STK31: variants seen among roughly 807,000 people sequenced by gnomAD.
STK31 encodes the protein serine/threonine-protein kinase 31.
STK31 carries 89 observed loss-of-function variants against 129.7 expected under a neutral mutation model. The ratio of observed to expected loss-of-function variants is 0.69; its 90% CI spans 0.58 to 0.82. The LOEUF is 0.82. Among genes scored for constraint, STK31 ranks in the 40% least tolerant of loss-of-function variants. The pLI is 0.00. For missense variants in STK31, 1,187 were observed against 1,176.4 expected (o/e 1.01, Z -0.13); for synonymous variants, 448 against 395.3 (o/e 1.13, Z -1.58).
At chr7:23,814,946 C>G (rs1175257224) in intron 22 of STK31, among the ~76,000 whole-genome samples, 198 bp from the exon 23 acceptor site, 1 of 152,052 alleles carries the variant, frequency 6.6e-6, no homozygotes, top group African/African-American at 2.4e-5. Flanking sequence ...CCCCTCTGAT[C>G]GGTACTTTAG....
chr7:23,797,979 C>A (rs1052277859), intron 22 of STK31, among the ~76,000 whole-genome samples: 2 of 152,176 alleles, frequency 1.3e-5, no homozygotes, highest in Non-Finnish European at 2.9e-5. Flanking sequence ...CACCTCTATG[C>A]AAATCAACTA....
At chr7:23,808,150 A>T (rs559993736) in intron 22 of STK31, among the ~76,000 whole-genome samples, 298 of 130,836 alleles carry the variant, frequency 2.3e-3, no homozygotes, top group African/African-American at 6.9e-3. Context: ...AATCCTTTTT[A>T]ATATATATAT....
intron 10 of STK31, 113 bp from the exon 11 acceptor site, chr7:23,762,688 T>C: frequency 7.9e-7 from 1 of 1,261,004 alleles, no homozygotes; most frequent in Non-Finnish European, 1.1e-6. Flanking sequence ...TCCTAAGTGC[T>C]ATAATGTTTG....
chr7:23,810,771 A>G (rs1444024108), intron 22 of STK31, among the ~76,000 whole-genome samples: 1 of 107,084 alleles, frequency 9.3e-6, no homozygotes, highest in Non-Finnish European at 1.8e-5. Context: ...TAATATATAA[A>G]TATATATTAT....
At chr7:23,711,534 A>G (rs990561904) in intron 1 of STK31, among the ~76,000 whole-genome samples, 14 of 152,116 alleles carry the variant, frequency 9.2e-5, no homozygotes, top group African/African-American at 3.4e-4. Context: ...TACATAGTGT[A>G]CATTTATTTT....
intron 17 of STK31, among the ~76,000 whole-genome samples, chr7:23,784,361 T>C (rs568333012): frequency 9.8e-4 from 150 of 152,298 alleles, no homozygotes; most frequent in African/African-American, 3.2e-3. Flanking sequence ...AAAAAATATT[T>C]AAGATTAAAG....
Position 23,772,181 on chromosome 7 carries a change from G to A in STK31, c.1868G>A (p.Ser623Asn). The part of the protein sequence containing the change: ...KKQLIEYLNK[S>N]PSVDHLLSIK... The stretch of plus-strand genomic sequence containing the variant: ...CAGCTTATTGAATATTTAAATAAGA[G>A]TCCCAGTGTGGATCACTTGCTATCC... The change falls in exon 15 of 24, where the codon AGT (serine) becomes AAT (asparagine). Residue 623 changes from serine (S) to asparagine (N), a missense_variant. Physicochemically the swap from Ser to Asn is conservative, Grantham distance 46. This residue lies in a region of STK31 where 975 missense variants were observed against 934.9 expected (regional missense o/e 1.04). Coordinates refer to ENST00000355870, the MANE Select transcript of STK31 (RefSeq NM_031414.5). 1 of 1,595,756 alleles carries A rather than the reference G, an allele frequency of 6.3e-7. No homozygotes were observed. Among genetic ancestry groups the A allele is most frequent in the Non-Finnish European group, 8.6e-7 (1 of 1,169,378 alleles).
At chr7:23,824,521 A>C (rs1037466081) in intron 23 of STK31, among the ~76,000 whole-genome samples, 2 of 152,268 alleles carry the variant, frequency 1.3e-5, no homozygotes, top group African/African-American at 4.8e-5. Context: ...GGTTTTCTAG[A>C]TATACAATCA....
chr7:23,748,706 A>G (rs1788502570), intron 8 of STK31, among the ~76,000 whole-genome samples: 1 of 152,192 alleles, frequency 6.6e-6, no homozygotes, highest in Admixed American at 6.5e-5. Context: ...GCTTTTCCTA[A>G]TAACATTTTC....
intron 6 of STK31, among the ~76,000 whole-genome samples, chr7:23,731,828 G>T (rs1182822611): frequency 3.3e-5 from 5 of 152,206 alleles, no homozygotes; most frequent in Non-Finnish European, 7.3e-5. Context: ...AGGCCTTTTA[G>T]CTTGTTTTCT....
chr7:23,791,073 A>G (rs1791586287), intron 22 of STK31, 127 bp downstream of exon 22: 1 of 1,006,354 alleles, frequency 9.9e-7, no homozygotes. Flanking sequence ...AAGTTTTAAC[A>G]AAAACTATTG....
chr7:23,799,275 A>G (rs1226632545), intron 22 of STK31, among the ~76,000 whole-genome samples: 1 of 152,138 alleles, frequency 6.6e-6, no homozygotes, highest in Non-Finnish European at 1.5e-5. Context: ...AAAAGCCCGT[A>G]TAGCCAAGAC....
At position 23,727,241 on chromosome 7, in the gene STK31, AT is replaced by A; in HGVS notation, c.253del (p.Tyr85MetfsTer17). 1 of 1,613,318 alleles carries A rather than the reference AT, an allele frequency of 6.2e-7. No homozygotes were observed. The highest frequency in any genetic ancestry group is 8.5e-7 in the Non-Finnish European group (1 of 1,179,588). On this transcript the variant is annotated frameshift_variant and splice_region_variant, in exon 5 of 24. Coordinates refer to ENST00000355870, the MANE Select transcript of STK31 (RefSeq NM_031414.5). LOFTEE classifies it high-confidence loss of function. ...ATTTTGCTTTCTTTTCTCTTTGTAGATTTATGGTGGATTATTTTCTGAAGAT... is the reference window on the plus strand; with the variant it reads ...ATTTTGCTTTCTTTTCTCTTTGTAGATTATGGTGGATTATTTTCTGAAGAT... Reference protein sequence around the residue: ...SVLGNLDPNKIYGGLFSEDQC... With the variant: ...SVLGNLDPNKXYGGLFSEDQC...
chr7:23,813,259 T>A (rs1341521093), intron 22 of STK31, among the ~76,000 whole-genome samples: 1 of 152,106 alleles, frequency 6.6e-6, no homozygotes, highest in African/African-American at 2.4e-5. Flanking sequence ...TGATTCTTTT[T>A]AATAACTTTT....
rs777514884 is a variant in STK31 at position 23,762,897 on chromosome 7, C to T, written c.1390C>T (p.Leu464Phe). Residue 464 changes from leucine (L) to phenylalanine (F), a missense_variant, in exon 11 of 24, where the codon CTT becomes TTT. Physicochemically the swap from Leu to Phe is conservative, Grantham distance 22 (BLOSUM62 0). Around this residue, in one of 5 missense-constraint regions of STK31, gnomAD observed 975 missense variants for 934.9 expected, o/e 1.04. Coordinates refer to ENST00000355870, the MANE Select transcript of STK31 (RefSeq NM_031414.5). ...DFILEVDESSLNKRLKTLQDL... is the reference protein window; with the variant it reads ...DFILEVDESSFNKRLKTLQDL... ...TATTCTGGAAGTTGATGAGTCATCT[C>T]TTAATAAACGCTTAAAAACATTGCA... The T allele has an allele frequency of 1.9e-6, 3 of 1,595,794 alleles. No individual in the cohort carries two copies. The highest frequency in any genetic ancestry group is 1.7e-6 in the Non-Finnish European group (2 of 1,173,158).
At chr7:23,749,321 TTTTTCTTTTC>T (rs950689795) in intron 8 of STK31, among the ~76,000 whole-genome samples, 3 of 151,234 alleles carry the variant, frequency 2.0e-5, no homozygotes, top group African/African-American at 4.9e-5. Flanking sequence ...GCCTTGTAAT[TTTTTCTTTTC>T]TTTTCTTTTC....
At chr7:23,810,747 A>G (rs1248910609) in intron 22 of STK31, among the ~76,000 whole-genome samples, 1 of 132,936 alleles carries the variant, frequency 7.5e-6, no homozygotes, top group Non-Finnish European at 1.6e-5. Flanking sequence ...TATAAAATAG[A>G]TATATATAAT....
Position 23,765,111 on chromosome 7 carries a change from A to G in STK31, c.1416+2188A>G, listed in dbSNP as rs1045525928. On this transcript the variant is annotated intron_variant, in intron 11 of 23. Transcript: ENST00000355870. ...CGCTCTGTCGCCTAGGCTGGAGTGC[A>G]GTGGCCGATCTCCGCTCACTGCAAC... Among the ~76,000 whole-genome samples the G allele has an allele frequency of 2.6e-5, 4 of 151,736 alleles. No individual in the cohort carries two copies. In the South Asian group the frequency reaches 8.3e-4, roughly 31 times the overall value.
chr7:23,769,837 TAG>T (rs1790076333), intron 13 of STK31, 81 bp downstream of exon 13: 4 of 889,328 alleles, frequency 4.5e-6, no homozygotes, highest in Non-Finnish European at 6.9e-6. Context: ...TAACCAATAA[TAG>T]AGTTTTTCTT....
Sources: gnomAD v4.1 joint callset for allele counts (sites outside exome capture counted in the v4.1 genomes callset) on GRCh38, gnomAD v4.1.1 for gene constraint, gnomAD v4.1.1 regional missense constraint, MANE v1.5 for transcripts, NCBI Gene and HGNC (gene_info 2026-07-23, HGNC 2026-07-21) for gene names.